NMT1: variants seen among roughly 807,000 people sequenced by gnomAD.
NMT1 encodes the protein N-myristoyltransferase 1.
NMT1 carries 12 observed loss-of-function variants against 63.4 expected under a neutral mutation model. The observed-to-expected ratio is 0.19, with a 90% CI of 0.12 to 0.31. The LOEUF (loss-of-function observed/expected upper bound fraction) is 0.31, where lower values mean the gene tolerates loss of function less well. Ranked by LOEUF, NMT1 falls within the 10% of genes least tolerant of loss-of-function variation. The pLI, the probability that NMT1 is intolerant of heterozygous loss-of-function variation, is 1.00. For missense variants in NMT1, 432 were observed against 634.6 expected (o/e 0.68, Z 3.43); for synonymous variants, 228 against 234.3 (o/e 0.97, Z 0.25).
At position 45,104,661 on chromosome 17, in the gene NMT1, G is replaced by C. The variant is rs2054191439; in HGVS notation, c.1333-198G>C. 1 of 1,420,890 alleles carries C rather than the reference G, an allele frequency of 7.0e-7. No homozygotes were observed. The highest frequency in any genetic ancestry group is 9.2e-7 in the Non-Finnish European group (1 of 1,089,676). The allele number at this position is 1,420,890 out of a possible 1,614,324, so 88.0% of individuals were successfully genotyped here. On this transcript the variant is annotated intron_variant, in intron 10 of 11. Coordinates refer to ENST00000258960, the MANE Select transcript of NMT1 (RefSeq NM_021079.5). The surrounding 1 kb of genome is among the most constrained non-coding windows in gnomAD (Gnocchi z 4.2). ...ACACTCTGAGGGACACTGGGCAGAG[G>C]CCAGGCTGGAGGGGGCGCTCAGAGT... is the stretch of plus-strand genomic sequence containing the variant.
Position 45,086,640 on chromosome 17 carries a change from G to A in NMT1, c.373G>A (p.Val125Ile), listed in dbSNP as rs761622308. 4 of 1,610,720 alleles carry A rather than the reference G, an allele frequency of 2.5e-6. No individual in the cohort carries two copies. Among genetic ancestry groups the A allele is most frequent in the African/African-American group, 1.3e-5 (1 of 74,704 alleles). The change falls in exon 3 of 12, where the codon GTC becomes ATC. Residue 125 changes from valine (V) to isoleucine (I), a missense_variant. Val to Ile is a conservative substitution (Grantham distance 29). Around this residue, in one of 4 missense-constraint regions of NMT1, gnomAD observed 295 missense variants for 489.7 expected, o/e 0.60. Coordinates refer to ENST00000258960, the MANE Select transcript of NMT1 (RefSeq NM_021079.5). ...RSYQFWDTQP[V>I]PKLGEVVNTH... ...CTACCAGTTCTGGGATACGCAGCCC[G>A]TCCCCAAGCTGGGTATGTACATGCT... is the stretch of plus-strand genomic sequence containing the variant.
intron 3 of NMT1, among the ~76,000 whole-genome samples, chr17:45,087,894 T>A (rs191145604): frequency 1.3e-5 from 2 of 152,256 alleles, no homozygotes; most frequent in East Asian, 3.9e-4. Flanking sequence ...AGCTAATCCA[T>A]GAGGCCTGCA....
In NMT1 at chr17:45,103,479, G is replaced by A. The variant is rs117767088; in HGVS notation, c.1165-230G>A. Among the ~76,000 whole-genome samples, 145 of 152,272 alleles carry A rather than the reference G, an allele frequency of 9.5e-4. No individual in the cohort carries two copies. The highest frequency in any genetic ancestry group is 3.1e-3 in the African/African-American group (129 of 41,552). On this transcript the variant is annotated intron_variant, in intron 9 of 11. Transcript: ENST00000258960. The surrounding 1 kb of genome is among the most constrained non-coding windows in gnomAD (Gnocchi z 4.8). ...TGAGCTGCAAGAAGAGGTCCCTGGC[G>A]GTGCCCATGCTGGGAAAGAGGTCTG...
At chr17:45,100,065 A>C (rs1042175590) in intron 8 of NMT1, among the ~76,000 whole-genome samples, 6 of 151,702 alleles carry the variant, frequency 4.0e-5, no homozygotes, top group African/African-American at 1.2e-4. Context: ...AAATGCTCCA[A>C]CTGTGGCTGG....
intron 1 of NMT1, among the ~76,000 whole-genome samples, chr17:45,062,955 C>T (rs2053876409): frequency 6.6e-6 from 1 of 152,100 alleles, no homozygotes; most frequent in Non-Finnish European, 1.5e-5. Context: ...TGGCTCATGC[C>T]TGTAATCCCA....
intron 1 of NMT1, among the ~76,000 whole-genome samples, chr17:45,072,077 C>T (rs889722036): frequency 2.0e-5 from 3 of 152,012 alleles, no homozygotes; most frequent in African/African-American, 7.2e-5. Context: ...CATAGAGAAA[C>T]TTTGTCTCTA....
intron 1 of NMT1, chr17:45,061,663 C>T: frequency 1.9e-6 from 1 of 533,606 alleles, no homozygotes; most frequent in South Asian, 2.3e-5. Context: ...CGGAGACGTT[C>T]AGTACTTTTA....
At chr17:45,097,918 G>T (rs2054136921) in intron 6 of NMT1, among the ~76,000 whole-genome samples, 1 of 152,190 alleles carries the variant, frequency 6.6e-6, no homozygotes, top group South Asian at 2.1e-4. Flanking sequence ...AGTCCTTGGG[G>T]CCTGTGATCT....
intron 1 of NMT1, among the ~76,000 whole-genome samples, chr17:45,079,650 G>A (rs574479252): frequency 6.6e-6 from 1 of 152,350 alleles, no homozygotes; most frequent in East Asian, 1.9e-4. Context: ...CCTTGATCAC[G>A]TGCACACATG....
Position 45,103,046 on chromosome 17 carries a change from G to A in NMT1, c.1089G>A (p.Thr363=), listed in dbSNP as rs746356993. The change falls in exon 9 of 12, where the codon ACG becomes ACA. Residue 363 remains threonine (T), a synonymous_variant. Coordinates refer to ENST00000258960, the MANE Select transcript of NMT1 (RefSeq NM_021079.5). The surrounding 1 kb of genome is among the most constrained non-coding windows in gnomAD (Gnocchi z 4.8). ...LTRYLKQFHL[T]PVMSQEEVEH... ...GGTACTTGAAGCAATTTCACCTTAC[G>A]CCCGTCATGAGCCAGGAGGAGGTGG... The A allele has an allele frequency of 3.1e-6, 5 of 1,613,900 alleles. No homozygotes were observed. Among genetic ancestry groups the A allele is most frequent in the South Asian group, 1.1e-5 (1 of 91,070 alleles).
intron 8 of NMT1, among the ~76,000 whole-genome samples, chr17:45,100,305 G>T (rs548885285): frequency 2.4e-4 from 37 of 152,020 alleles, no homozygotes; most frequent in Admixed American, 2.4e-3. Context: ...AGTGGCTCAC[G>T]CCTGTAATCC....
chr17:45,066,843 G>GCTA (rs71136067), intron 1 of NMT1, among the ~76,000 whole-genome samples: 39,996 of 151,820 alleles, frequency 0.26, 5,433 homozygotes, highest in South Asian at 0.33. Context: ...CTCCCAAGTA[G>GCTA]CTAGGATTGT....
intron 1 of NMT1, among the ~76,000 whole-genome samples, chr17:45,068,567 T>C (rs545612782): frequency 6.6e-6 from 1 of 152,358 alleles, no homozygotes; most frequent in African/African-American, 2.4e-5. Context: ...GTTACTATTA[T>C]TACTACGTAG....
Position 45,063,241 on chromosome 17 carries a change from A to G in NMT1, c.131+1781A>G, listed in dbSNP as rs992849541. 3.5e-4 allele frequency among the ~76,000 whole-genome samples: 53 copies of G among 151,526 alleles called. 3 individuals carry two copies. On this transcript the variant is annotated intron_variant, in intron 1 of 11. Transcript: ENST00000258960. ...AAAAAAAAAAAAATCACAGGAAGAA[A>G]GTAGAGGAATAGGAAGCTTGCCAAA...
At chr17:45,097,916 G>C (rs555741987) in intron 6 of NMT1, among the ~76,000 whole-genome samples, 14 of 152,176 alleles carry the variant, frequency 9.2e-5, no homozygotes, top group Admixed American at 6.5e-4. Context: ...ATAGTCCTTG[G>C]GGCCTGTGAT....
At chr17:45,090,856 C>T (rs1329594347) in intron 3 of NMT1, among the ~76,000 whole-genome samples, 1 of 152,088 alleles carries the variant, frequency 6.6e-6, no homozygotes, top group Non-Finnish European at 1.5e-5. Context: ...TCTTGCTGTG[C>T]TCTGCAGAGC....
intron 1 of NMT1, 88 bp downstream of exon 1, chr17:45,061,548 A>G: frequency 1.7e-6 from 2 of 1,178,942 alleles, no homozygotes; most frequent in Non-Finnish European, 2.4e-6. Context: ...AGCTTAGTCT[A>G]GCCCCACCCT....
rs747624322 is a variant in NMT1, at chr17:45,104,845, C to T, written c.1333-14C>T. 6.2e-7 allele frequency: 1 copy of T among 1,614,142 alleles called. No individual in the cohort carries two copies. Among genetic ancestry groups the T allele is most frequent in the Non-Finnish European group, 8.5e-7 (1 of 1,179,986 alleles). ...TGTCCTCACCTGTTCTTGTTTGTCCCTGCTGCTTTGCAGAAAGGGTTTGAT... is the reference window on the plus strand; with the variant it reads ...TGTCCTCACCTGTTCTTGTTTGTCCTTGCTGCTTTGCAGAAAGGGTTTGAT... On this transcript the variant is annotated splice_polypyrimidine_tract_variant and intron_variant, in intron 10 of 11. Transcript: ENST00000258960. This position sits in a 1 kb window ranked among gnomAD's most constrained non-coding sequence, Gnocchi z 4.2.
At chr17:45,095,572 C>T (rs544435809) in intron 4 of NMT1, among the ~76,000 whole-genome samples, 7 of 152,036 alleles carry the variant, frequency 4.6e-5, no homozygotes, top group East Asian at 1.9e-4. Context: ...ATCAATCAGC[C>T]GGGTCAATAT....
Sources: gnomAD v4.1 joint callset for allele counts (sites outside exome capture counted in the v4.1 genomes callset) on GRCh38, gnomAD v4.1.1 for gene constraint, gnomAD v4.1.1 regional missense constraint, Gnocchi (gnomAD v3.1) non-coding constraint, MANE v1.5 for transcripts, NCBI Gene and HGNC (gene_info 2026-07-23, HGNC 2026-07-21) for gene names.